Variants in MAP2K6 observed in about 807,000 individuals in gnomAD.
The protein encoded by MAP2K6 is mitogen-activated protein kinase kinase 6, also known as dual specificity mitogen-activated protein kinase kinase 6.
Under a neutral mutation model 53.7 loss-of-function variants are expected in MAP2K6, and 16 were observed. That is an observed-to-expected ratio of 0.30 (90% CI 0.20 to 0.45). The LOEUF (loss-of-function observed/expected upper bound fraction) is 0.45, where lower values mean the gene tolerates loss of function less well. Among genes scored for constraint, MAP2K6 ranks in the 20% least tolerant of loss-of-function variants. MAP2K6 has a pLI of 1.00. For missense variants in MAP2K6, 204 were observed against 411.9 expected (o/e 0.50, Z 4.37); for synonymous variants, 132 against 143.1 (o/e 0.92, Z 0.55).
rs1912020468 is a variant in MAP2K6 at position 69,549,739 on chromosome 17, A to G, written c.*7986A>G. 3.3e-5 allele frequency: 5 copies of G among 152,162 alleles called. No individual in the cohort carries two copies. In the South Asian group the frequency reaches 8.3e-4, roughly 25 times the overall value. The allele number at this position is 152,162 out of a possible 1,614,324, so 9.4% of individuals were successfully genotyped here. On this transcript the variant is annotated 3_prime_UTR_variant, in exon 12 of 12. Transcript: ENST00000590474. ...ATCTGATTTCACTAAGTAATATTCT[A>G]TTGTGGTCAGAAATGGGTAATTTGC...
At chr17:69,540,738 G>A (rs539890452) in intron 11 of MAP2K6, among the ~76,000 whole-genome samples, 3 of 152,194 alleles carry the variant, frequency 2.0e-5, no homozygotes, top group Admixed American at 6.5e-5. Flanking sequence ...TTTAATCTCC[G>A]AGTTCAGTTT....
chr17:69,429,908 C>T (rs1906402515), intron 1 of MAP2K6, among the ~76,000 whole-genome samples: 1 of 152,092 alleles, frequency 6.6e-6, no homozygotes, highest in Admixed American at 6.6e-5. Flanking sequence ...GCCTGGGCAT[C>T]CCTTGGAGCT....
At chr17:69,466,554 A>G (rs1202481048) in intron 1 of MAP2K6, among the ~76,000 whole-genome samples, 1 of 152,198 alleles carries the variant, frequency 6.6e-6, no homozygotes, top group Non-Finnish European at 1.5e-5. Flanking sequence ...AGCCATCGGC[A>G]CTGCATCCCC....
At position 69,549,994 on chromosome 17, in the gene MAP2K6, A is replaced by G. The variant is rs2144892390; in HGVS notation, c.*8241A>G. 6.6e-6 allele frequency: 1 copy of G among 152,286 alleles called. No homozygotes were observed. The highest frequency in any genetic ancestry group is 1.5e-5 in the Non-Finnish European group (1 of 68,024). The allele number at this position is 152,286 out of a possible 1,614,324, so 9.4% of individuals were successfully genotyped here. On this transcript the variant is annotated 3_prime_UTR_variant, in exon 12 of 12. Transcript: ENST00000590474. ...AAAAAAAAAGCTGGCAGACAAGTAT[A>G]TCTTTTAATTTATTTGCAGTGTTGC...
At chr17:69,519,280 G>A in intron 4 of MAP2K6, 33 bp from the exon 5 acceptor site, 1 of 1,607,036 alleles carries the variant, frequency 6.2e-7, no homozygotes, top group Non-Finnish European at 8.5e-7. Context: ...CCTCAGAGTA[G>A]TAACCATAAA....
At position 69,519,319 on chromosome 17, in the gene MAP2K6, C is replaced by T. The variant is rs750395227; in HGVS notation, c.253C>T (p.Arg85Ter). ...SGQIMAVKRI[R>*]ATVNSQEQKR... ...TCCATGCATTTCCATTCAGCGGATCCGAGCCACAGTAAATAGCCAGGAACA... is the reference window on the plus strand; with the variant it reads ...TCCATGCATTTCCATTCAGCGGATCTGAGCCACAGTAAATAGCCAGGAACA... Residue 85 changes from arginine (R) to a stop codon, truncating the protein, a stop_gained, in exon 5 of 12, where the codon CGA (arginine) becomes TGA (stop). Transcript: ENST00000590474. LOFTEE classifies it high-confidence loss of function. 1 of 1,613,432 alleles carries T rather than the reference C, an allele frequency of 6.2e-7. No individual in the cohort carries two copies. Among genetic ancestry groups the T allele is most frequent in the African/African-American group, 1.3e-5 (1 of 74,972 alleles).
chr17:69,422,603 A>G (rs1023487389), intron 1 of MAP2K6, among the ~76,000 whole-genome samples: 2 of 151,990 alleles, frequency 1.3e-5, no homozygotes, highest in Middle Eastern at 3.2e-3. Flanking sequence ...GCTGATCACA[A>G]CCCCTCCCTG....
chr17:69,550,331 G>C lies in MAP2K6; in HGVS notation c.*8578G>C, dbSNP rs1032507756. The C allele has an allele frequency of 6.6e-6, 1 of 152,124 alleles. No individual in the cohort carries two copies. Among genetic ancestry groups the C allele is most frequent in the South Asian group, 2.1e-4 (1 of 4,828 alleles). The allele number at this position is 152,124 out of a possible 1,614,324, so 9.4% of individuals were successfully genotyped here. A position where few individuals can be genotyped will look rare whatever the true frequency, so the allele number is the denominator to read the frequency against. ...TGGGTAAAGAAACACAAATACCAAA[G>C]CCTGAGCTCCTTAACCTTTTGTTCC... is the stretch of plus-strand genomic sequence containing the variant. On this transcript the variant is annotated 3_prime_UTR_variant, in exon 12 of 12. Coordinates refer to ENST00000590474, the MANE Select transcript of MAP2K6 (RefSeq NM_002758.4).
chr17:69,470,536 A>T (rs759846338), intron 1 of MAP2K6, among the ~76,000 whole-genome samples: 1 of 152,190 alleles, frequency 6.6e-6, no homozygotes. Flanking sequence ...GATGGGAGGG[A>T]CATGCCCCCT....
At chr17:69,468,151 C>T (rs1907874139) in intron 1 of MAP2K6, among the ~76,000 whole-genome samples, 1 of 152,222 alleles carries the variant, frequency 6.6e-6, no homozygotes, top group African/African-American at 2.4e-5. Context: ...ATTGCTTCTC[C>T]TGTGATAGTG....
chr17:69,520,222 C>A, intron 5 of MAP2K6, 48 bp from the exon 6 acceptor site: 8 of 866,010 alleles, frequency 9.2e-6, no homozygotes, highest in South Asian at 1.6e-5. Flanking sequence ...ATTTTTATTT[C>A]TCCCTTTTTC....
At position 69,471,351 on chromosome 17, in the gene MAP2K6, A is replaced by G. The variant is rs539177334; in HGVS notation, c.17-34429A>G. On this transcript the variant is annotated intron_variant, in intron 1 of 11. Transcript: ENST00000590474. ...GAATACTATACAGCCACAGAGGAGAATGGAATTATGCCTTTTGTAGCAACA... is the reference window on the plus strand; with the variant it reads ...GAATACTATACAGCCACAGAGGAGAGTGGAATTATGCCTTTTGTAGCAACA... Among the ~76,000 whole-genome samples, 14 of 152,326 alleles carry G rather than the reference A, an allele frequency of 9.2e-5. No individual in the cohort carries two copies. The South Asian group carries it at 1.9e-3, about 20-fold the overall frequency.
At chr17:69,497,672 C>T (rs983174197) in intron 1 of MAP2K6, among the ~76,000 whole-genome samples, 1 of 152,146 alleles carries the variant, frequency 6.6e-6, no homozygotes, top group African/African-American at 2.4e-5. Context: ...TTTCTCTCTC[C>T]ACCACTTTTC....
intron 1 of MAP2K6, among the ~76,000 whole-genome samples, chr17:69,495,700 T>C (rs1253170397): frequency 2.0e-5 from 3 of 151,932 alleles, no homozygotes; most frequent in African/African-American, 4.8e-5. Context: ...ATAATATCAT[T>C]TCACTCGTAA....
chr17:69,424,445 A>G (rs1893311196), intron 1 of MAP2K6, among the ~76,000 whole-genome samples: 1 of 152,154 alleles, frequency 6.6e-6, no homozygotes, highest in Admixed American at 6.5e-5. Flanking sequence ...TCTATCATTT[A>G]CTCTCACTAT....
chr17:69,419,744 T>C (rs1018468395), intron 1 of MAP2K6, among the ~76,000 whole-genome samples: 2 of 152,038 alleles, frequency 1.3e-5, no homozygotes, highest in Non-Finnish European at 2.9e-5. Context: ...CTGGCCAACA[T>C]AGTGAAACCC....
At chr17:69,504,176 C>A (rs1251632342) in intron 1 of MAP2K6, among the ~76,000 whole-genome samples, 5 of 152,046 alleles carry the variant, frequency 3.3e-5, no homozygotes, top group Non-Finnish European at 5.9e-5. Context: ...AGTTTCTTTG[C>A]AGCTTCAGGA....
chr17:69,548,791 A>C lies in MAP2K6; in HGVS notation c.*7038A>C, dbSNP rs776899383. On this transcript the variant is annotated 3_prime_UTR_variant, in exon 12 of 12. Transcript: ENST00000590474. ...AAAGTCACTGTTTACAGCTATGCAA[A>C]TATTGTACTATTACAGATTTTTCTA... is the stretch of plus-strand genomic sequence containing the variant. The C allele has an allele frequency of 6.6e-6, 1 of 152,184 alleles. No homozygotes were observed. Among genetic ancestry groups the C allele is most frequent in the Non-Finnish European group, 1.5e-5 (1 of 68,034 alleles). 9.4% of individuals were successfully genotyped at this position (152,184 alleles called of 1,614,324 possible). A position where few individuals can be genotyped will look rare whatever the true frequency, so the allele number is the denominator to read the frequency against.
At chr17:69,528,888 A>ATC (rs1910930138) in intron 10 of MAP2K6, among the ~76,000 whole-genome samples, 1 of 129,032 alleles carries the variant, frequency 7.8e-6, no homozygotes, top group Non-Finnish European at 1.6e-5. Context: ...AAAAAAAAAA[A>ATC]GATGAGGCAT....
Sources: allele counts gnomAD v4.1 joint callset (sites outside exome capture counted in the v4.1 genomes callset), GRCh38; gene constraint gnomAD v4.1.1; transcripts MANE v1.5; gene names NCBI Gene and HGNC (gene_info 2026-07-23, HGNC 2026-07-21).